The following SRR variants were observed in gnomAD, a reference collection of about 807,000 sequenced individuals.
SRR encodes serine racemase.
Under a neutral mutation model 32.7 loss-of-function variants are expected in SRR, and 19 were observed. The ratio of observed to expected loss-of-function variants is 0.58; its 90% confidence interval spans 0.40 to 0.85. SRR has a LOEUF of 0.85. Among genes scored for constraint, SRR ranks in the 40% least tolerant of loss-of-function variants. The pLI is 0.00. For synonymous variants in SRR, 142 were observed against 140.9 expected, an observed-to-expected ratio of 1.01 and a Z score of -0.06; for missense variants, 373 against 404.7, an observed-to-expected ratio of 0.92 and a Z score of 0.67.
At chr17:2,312,896 A>G (rs111575396) in intron 1 of SRR, among the ~76,000 whole-genome samples, 123 of 152,270 alleles carry the variant, frequency 8.1e-4, no homozygotes, top group Admixed American at 2.4e-3. Context: ...GGAAATCCAA[A>G]TGTTCATTTG....
At chr17:2,315,264 G>T in intron 1 of SRR, 9 of 192,142 alleles carry the variant, frequency 4.7e-5, no homozygotes, top group Non-Finnish European at 7.3e-5. Flanking sequence ...AAAAAAGGAA[G>T]ATGGAGACCA....
chr17:2,314,577 T>C (rs1292582321), intron 1 of SRR, among the ~76,000 whole-genome samples: 3 of 90,454 alleles, frequency 3.3e-5, no homozygotes, highest in African/African-American at 4.4e-5. Context: ...AGCGAGACTC[T>C]GTCTCAAAAA....
At position 2,324,229 on chromosome 17, in the gene SRR, AATCTCAC is replaced by A; in HGVS notation, c.*357_*363del. 6.5e-7 allele frequency: 1 copy of A among 1,528,690 alleles called. No homozygotes were observed. The highest frequency in any genetic ancestry group is 8.7e-7 in the Non-Finnish European group (1 of 1,144,482). 94.7% of individuals were successfully genotyped at this position (1,528,690 alleles called of 1,614,324 possible). A position where few individuals can be genotyped will look rare whatever the true frequency, so the allele number is the denominator to read the frequency against. On this transcript the variant is annotated 3_prime_UTR_variant, in exon 8 of 8. Transcript: ENST00000344595. ...TGCCCCCTTGAGGCACTGTTGAAGA[AATCTCAC>A]TTTTCAGCCAGGGTACTGGTTCTGG...
intron 4 of SRR, 127 bp downstream of exon 4, chr17:2,319,056 CCTTTT>C: frequency 1.7e-6 from 1 of 604,142 alleles, no homozygotes. Flanking sequence ...GCATGCTCAA[CCTTTT>C]CTCTATCTAC....
chr17:2,318,173 A>G (rs1014680535), intron 3 of SRR, among the ~76,000 whole-genome samples, 177 bp downstream of exon 3: 2 of 152,112 alleles, frequency 1.3e-5, no homozygotes, highest in African/African-American at 4.8e-5. Context: ...TGAAGACAGA[A>G]TCTTGCTGTC....
At chr17:2,321,254 T>C (rs1219107368) in intron 4 of SRR, 52 bp from the exon 5 acceptor site, 2 of 1,599,516 alleles carry the variant, frequency 1.3e-6, no homozygotes, top group Non-Finnish European at 1.7e-6. Context: ...ATGGAACTTG[T>C]TGGGGACTCT....
At chr17:2,309,078 A>G (rs1376686865) in intron 1 of SRR, among the ~76,000 whole-genome samples, 1 of 152,138 alleles carries the variant, frequency 6.6e-6, no homozygotes, top group Non-Finnish European at 1.5e-5. Context: ...AGATTGCCCC[A>G]TTGCACTCCA....
At chr17:2,303,394 G>C (rs1177478804), upstream of SRR, 5 of 1,245,604 alleles carry the variant, frequency 4.0e-6, no homozygotes, top group South Asian at 3.2e-5. Context: ...GCGAGAAAGA[G>C]GGTGGAGGCA....
intron 1 of SRR, chr17:2,307,649 A>G: frequency 1.0e-6 from 1 of 967,504 alleles, no homozygotes; most frequent in Middle Eastern, 3.1e-4. Flanking sequence ...ACTTTACCAA[A>G]CCACGAAACC....
intron 1 of SRR, among the ~76,000 whole-genome samples, chr17:2,309,346 G>A (rs2075417507): frequency 6.6e-6 from 1 of 152,134 alleles, no homozygotes; most frequent in Non-Finnish European, 1.5e-5. Flanking sequence ...AACATGTATG[G>A]AATCATCTCC....
At chr17:2,310,038 G>T (rs1325516641) in intron 1 of SRR, 3 of 152,162 alleles carry the variant, frequency 2.0e-5, no homozygotes, top group Non-Finnish European at 4.4e-5. Context: ...GGTTCCAGTA[G>T]TTCCTGAAGC....
chr17:2,312,651 A>G (rs1232936241), intron 1 of SRR, among the ~76,000 whole-genome samples: 1 of 152,218 alleles, frequency 6.6e-6, no homozygotes. Context: ...TATAGGACGG[A>G]TGAAGGAAAA....
chr17:2,324,929 C>A lies in SRR; in HGVS notation c.*1056C>A. 2 of 1,371,310 alleles carry A rather than the reference C, an allele frequency of 1.5e-6. No individual in the cohort carries two copies. The highest frequency in any genetic ancestry group is 2.9e-5 in the South Asian group (2 of 67,892). The allele number at this position is 1,371,310 out of a possible 1,614,324, so 84.9% of individuals were successfully genotyped here. A position where few individuals can be genotyped will look rare whatever the true frequency, so the allele number is the denominator to read the frequency against. ...AGACCCATGCAAGAGCCTGGTTTGT[C>A]ATCCCTGCCCTAGCCCAATCTGAGG... On this transcript the variant is annotated 3_prime_UTR_variant, in exon 8 of 8. Transcript: ENST00000344595.
At chr17:2,303,488 G>T, upstream of SRR, 1 of 1,329,134 alleles carries the variant, frequency 7.5e-7, no homozygotes, top group Non-Finnish European at 9.6e-7. Flanking sequence ...GTAGGGCAGC[G>T]AGGGTCCGCC....
At position 2,324,152 on chromosome 17, in the gene SRR, G is replaced by A. The variant is rs770603354; in HGVS notation, c.*279G>A. On this transcript the variant is annotated 3_prime_UTR_variant, in exon 8 of 8. Coordinates refer to ENST00000344595, the MANE Select transcript of SRR (RefSeq NM_021947.3). ...ATCACAACTTGTGCCTCCCATCCCT[G>A]GAGTACTGACTGGCACCGGTAAGAC... 2 of 1,509,954 alleles carry A rather than the reference G, an allele frequency of 1.3e-6. No homozygotes were observed. Among genetic ancestry groups the A allele is most frequent in the Non-Finnish European group, 8.8e-7 (1 of 1,133,330 alleles). 93.5% of individuals were successfully genotyped at this position (1,509,954 alleles called of 1,614,324 possible). A position where few individuals can be genotyped will look rare whatever the true frequency, so the allele number is the denominator to read the frequency against.
intron 1 of SRR, among the ~76,000 whole-genome samples, chr17:2,308,880 A>G (rs182985080): frequency 6.6e-6 from 1 of 152,106 alleles, no homozygotes; most frequent in Admixed American, 6.6e-5. Context: ...GCACTTTGGG[A>G]GGCTGAGGCA....
At chr17:2,310,971 C>T (rs2075429602) in intron 1 of SRR, among the ~76,000 whole-genome samples, 1 of 151,952 alleles carries the variant, frequency 6.6e-6, no homozygotes, top group African/African-American at 2.4e-5. Flanking sequence ...TGGTCTCGAT[C>T]TCCTGACCTT....
chr17:2,323,318 C>A lies in SRR; in HGVS notation c.777C>A (p.Ile259=). 6.2e-7 allele frequency: 1 copy of A among 1,614,022 alleles called. No homozygotes were observed. The highest frequency in any genetic ancestry group is 1.1e-5 in the South Asian group (1 of 91,076). Residue 259 remains isoleucine, a synonymous_variant, in exon 7 of 8, where the codon ATC becomes ATA. Transcript: ENST00000344595. The stretch of plus-strand genomic sequence containing the variant: ...TTATCAGGGACCTTGTGGATGATAT[C>A]TTCACTGTCACAGAGGATGAAATTA... ...WPIIRDLVDD[I]FTVTEDEIKC...
rs1410536788 is a variant in SRR, at chr17:2,307,269, G to C, written c.-5+3252G>C. The C allele has an allele frequency of 4.3e-6, 5 of 1,163,314 alleles. No individual in the cohort carries two copies. In the African/African-American group the frequency reaches 4.5e-5, roughly 10 times the overall value. 72.1% of individuals were successfully genotyped at this position (1,163,314 alleles called of 1,614,324 possible). On this transcript the variant is annotated intron_variant, in intron 1 of 7. Transcript: ENST00000344595. ...CTGTCATTCAGAAATACCATACTGT[G>C]AATGGCCACAACTGTGAAATTAGGA...
Sources: allele counts gnomAD v4.1 joint callset (sites outside exome capture counted in the v4.1 genomes callset), GRCh38; gene constraint gnomAD v4.1.1; transcripts MANE v1.5; gene names NCBI Gene and HGNC (gene_info 2026-07-23, HGNC 2026-07-21).